The following NRXN3 variants were observed in gnomAD, a reference collection of about 807,000 sequenced individuals.
NRXN3 encodes neurexin 3.
A neutral mutation model predicts 137.6 loss-of-function variants in NRXN3; 32 were observed. The observed-to-expected ratio is 0.23, with a 90% CI of 0.18 to 0.31. The LOEUF (loss-of-function observed/expected upper bound fraction) is 0.31, where lower values mean the gene tolerates loss of function less well. NRXN3 is among the 10% of genes least tolerant of loss of function. The pLI is 1.00. For synonymous variants in NRXN3, 798 were observed against 784.5 expected (o/e 1.02, Z -0.29); for missense variants, 1,574 against 2,062.5 (o/e 0.76, Z 4.59).
intron 10 of NRXN3, among the ~76,000 whole-genome samples, chr14:78,832,762 G>T (rs1167095394): frequency 6.6e-6 from 1 of 152,178 alleles, no homozygotes; most frequent in Non-Finnish European, 1.5e-5. Flanking sequence ...TGGAATCATA[G>T]AAAACTGAGT....
intron 4 of NRXN3, among the ~76,000 whole-genome samples, chr14:78,331,676 G>A (rs1466278569): frequency 6.6e-6 from 1 of 152,216 alleles, no homozygotes; most frequent in Non-Finnish European, 1.5e-5. Flanking sequence ...TGTGAGTTGA[G>A]GAGGAAATGC....
intron 6 of NRXN3, among the ~76,000 whole-genome samples, chr14:78,665,789 G>A (rs2097880601): frequency 6.6e-6 from 1 of 152,184 alleles, no homozygotes; most frequent in Admixed American, 6.5e-5. Context: ...TGGTGGCCAT[G>A]GCTCAGTGAG....
At chr14:79,202,050 T>A (rs1185319462) in intron 15 of NRXN3, among the ~76,000 whole-genome samples, 1 of 151,934 alleles carries the variant, frequency 6.6e-6, no homozygotes, top group East Asian at 1.9e-4. Flanking sequence ...CCTTGAGTAA[T>A]CTGAGGAATG....
intron 6 of NRXN3, among the ~76,000 whole-genome samples, chr14:78,668,863 C>G (rs2097909836): frequency 6.6e-6 from 1 of 152,138 alleles, no homozygotes; most frequent in Admixed American, 6.5e-5. Flanking sequence ...TTTGCTGACT[C>G]TTGCTATAGT....
intron 10 of NRXN3, among the ~76,000 whole-genome samples, chr14:78,875,270 A>G (rs2099111347): frequency 6.6e-6 from 1 of 152,224 alleles, no homozygotes; most frequent in Non-Finnish European, 1.5e-5. Flanking sequence ...GGAACGCTGC[A>G]AACTTGCTAA....
At chr14:78,338,001 G>T (rs35531727) in intron 4 of NRXN3, among the ~76,000 whole-genome samples, 1 of 152,078 alleles carries the variant, frequency 6.6e-6, no homozygotes, top group Admixed American at 6.5e-5. Flanking sequence ...GTACATGGAT[G>T]GGGGGATGGA....
At chr14:79,771,178 C>A (rs2099076864) in intron 19 of NRXN3, among the ~76,000 whole-genome samples, 1 of 152,100 alleles carries the variant, frequency 6.6e-6, no homozygotes, top group Admixed American at 6.6e-5. Context: ...GGATTCACAG[C>A]CGAATTCTAC....
Position 78,810,341 on chromosome 14 carries a change from T to G in NRXN3, c.2272T>G (p.Ser758Ala), listed in dbSNP as rs986598906. Reference sequence around the variant, plus strand: ...AGACTGTATCAGGATAAACTGTAACTCCAGTAAGTTTTCCCTCAAGTTTCA... The same window carrying G: ...AGACTGTATCAGGATAAACTGTAACGCCAGTAAGTTTTCCCTCAAGTTTCA... ...NLDCIRINCNSSKGPETLYAG... is the reference protein window; with the variant it reads ...NLDCIRINCNASKGPETLYAG... Residue 758 changes from serine (S) to alanine (A), a missense_variant, in exon 10 of 21, where the codon TCC becomes GCC. Transcript: ENST00000335750. The G allele has an allele frequency of 3.5e-6, 5 of 1,447,386 alleles. No homozygotes were observed. In the African/African-American group the frequency reaches 7.5e-5, roughly 22 times the overall value. 89.7% of individuals were successfully genotyped at this position (1,447,386 alleles called of 1,614,324 possible).
At chr14:79,600,423 G>A (rs1256992612) in intron 16 of NRXN3, among the ~76,000 whole-genome samples, 1 of 152,046 alleles carries the variant, frequency 6.6e-6, no homozygotes, top group Non-Finnish European at 1.5e-5. Flanking sequence ...TCAAGGTCAG[G>A]GCCTGAAGGA....
chr14:79,479,652 A>G (rs2096589780), intron 16 of NRXN3, among the ~76,000 whole-genome samples: 1 of 152,194 alleles, frequency 6.6e-6, no homozygotes, highest in Non-Finnish European at 1.5e-5. Context: ...CTAAAGCAGC[A>G]TACATAACTT....
chr14:79,034,838 C>T (rs1466257055), intron 15 of NRXN3, among the ~76,000 whole-genome samples: 1 of 152,094 alleles, frequency 6.6e-6, no homozygotes, highest in Non-Finnish European at 1.5e-5. Context: ...ATACAACATT[C>T]TCTTTGACTC....
intron 8 of NRXN3, among the ~76,000 whole-genome samples, chr14:78,729,080 A>G (rs1306326962): frequency 6.6e-6 from 1 of 152,200 alleles, no homozygotes; most frequent in African/African-American, 2.4e-5. Context: ...ATCTTGGCAA[A>G]ATGCCTATAA....
At chr14:78,257,955 G>C (rs1208385266) in intron 2 of NRXN3, among the ~76,000 whole-genome samples, 3 of 152,270 alleles carry the variant, frequency 2.0e-5, no homozygotes, top group Admixed American at 6.5e-5. Context: ...TGGAAGAAGG[G>C]CTGATTGCAG....
At chr14:79,177,972 CA>C (rs2062517330) in intron 15 of NRXN3, among the ~76,000 whole-genome samples, 1 of 152,128 alleles carries the variant, frequency 6.6e-6, no homozygotes, top group African/African-American at 2.4e-5. Context: ...CCATCATTTC[CA>C]GTAACTTTTT....
chr14:78,949,491 T>A, intron 10 of NRXN3, among the ~76,000 whole-genome samples: 1 of 152,148 alleles, frequency 6.6e-6, no homozygotes, highest in Non-Finnish European at 1.5e-5. Flanking sequence ...GCTCACTAGT[T>A]TTTTTCCAAT....
At chr14:78,653,627 C>T (rs1453590994) in intron 6 of NRXN3, among the ~76,000 whole-genome samples, 2 of 151,622 alleles carry the variant, frequency 1.3e-5, no homozygotes, top group Non-Finnish European at 2.9e-5. Context: ...GGAAGGATGC[C>T]CTGAAAATTT....
At chr14:78,174,443 G>T (rs892493942) in intron 1 of NRXN3, among the ~76,000 whole-genome samples, 4 of 152,126 alleles carry the variant, frequency 2.6e-5, no homozygotes, top group African/African-American at 9.7e-5. Flanking sequence ...GTCCGACCCA[G>T]TTCTCCTCTC....
chr14:78,647,082 C>T (rs2097695425), intron 5 of NRXN3, among the ~76,000 whole-genome samples: 1 of 152,212 alleles, frequency 6.6e-6, no homozygotes, highest in African/African-American at 2.4e-5. Flanking sequence ...ACCTCTCTCC[C>T]ACCACCCTTC....
chr14:78,363,641 GC>G (rs1364605709), intron 4 of NRXN3, among the ~76,000 whole-genome samples: 1 of 152,074 alleles, frequency 6.6e-6, no homozygotes, highest in East Asian at 1.9e-4. Flanking sequence ...TTCCTATTCG[GC>G]CCATGATAAG....
Sources: gnomAD v4.1 joint callset for allele counts (sites outside exome capture counted in the v4.1 genomes callset) on GRCh38, gnomAD v4.1.1 for gene constraint, MANE v1.5 for transcripts, NCBI Gene and HGNC (gene_info 2026-07-23, HGNC 2026-07-21) for gene names.